The following PSMD11 variants were observed in gnomAD, a reference collection of about 807,000 sequenced individuals.
PSMD11 encodes the protein 26S proteasome non-ATPase regulatory subunit 11.
In PSMD11, 5 loss-of-function variants were observed where a neutral mutation model predicts 62.3. The ratio of observed to expected loss-of-function variants is 0.08; its 90% CI spans 0.04 to 0.17. PSMD11 has a LOEUF of 0.17. Ranked by LOEUF, PSMD11 falls within the 10% of genes least tolerant of loss-of-function variation. The pLI is 1.00. For synonymous variants in PSMD11, 191 were observed against 191.8 expected (o/e 1.00, Z 0.03); for missense variants, 310 against 512.9 (o/e 0.60, Z 3.82).
In PSMD11 at chr17:32,454,583, TC is replaced by T; in HGVS notation, c.283del (p.Leu95CysfsTer17). ...CTCGCCTGGTCCGATCTCTTCTTGATCTGTTTCTTGATATGGAAGCAGCTAC... is the reference window on the plus strand; with the variant it reads ...CTCGCCTGGTCCGATCTCTTCTTGATTGTTTCTTGATATGGAAGCAGCTAC... ...AARLVRSLLD[L>X]FLDMEAATGQ... On this transcript the variant is annotated frameshift_variant, in exon 3 of 14. Coordinates refer to ENST00000261712, the MANE Select transcript of PSMD11 (RefSeq NM_002815.4). LOFTEE classifies it high-confidence loss of function. 1 of 1,614,076 alleles carries T rather than the reference TC, an allele frequency of 6.2e-7. No individual in the cohort carries two copies.
chr17:32,472,173 G>GGTTCTTTATCCTTTCCTGACCTC (rs1206306134), intron 6 of PSMD11, among the ~76,000 whole-genome samples: 3 of 149,876 alleles, frequency 2.0e-5, no homozygotes, highest in African/African-American at 7.4e-5. Context: ...TGGCAGAGCA[G>GGTTCTTTATCCTTTCCTGACCTC]GTTCTTTATC....
chr17:32,474,160 C>T (rs1908253113), intron 7 of PSMD11: 2 of 579,732 alleles, frequency 3.4e-6, no homozygotes, highest in African/African-American at 3.8e-5. Flanking sequence ...TTTTAGAAAT[C>T]CCCTTCCCAG....
Position 32,480,572 on chromosome 17 carries a change from A to G in PSMD11, c.1210A>G (p.Ile404Val), listed in dbSNP as rs540973538. The G allele has an allele frequency of 1.2e-6, 2 of 1,614,170 alleles. No homozygotes were observed. Among genetic ancestry groups the G allele is most frequent in the African/African-American group, 1.3e-5 (1 of 75,040 alleles). The change falls in exon 13 of 14, where the codon ATT (isoleucine) becomes GTT (valine). Residue 404 changes from isoleucine to valine, a missense_variant. This residue lies in a region of PSMD11 where 135 missense variants were observed against 195.4 expected (regional missense o/e 0.69). Coordinates refer to ENST00000261712, the MANE Select transcript of PSMD11 (RefSeq NM_002815.4). ...AACTTACGAAGCTGCTCTGGAAACA[A>G]TTCAGAACATGAGCAAAGTAGTGGA... ...DKTYEAALETIQNMSKVVDSL... is the reference protein window; with the variant it reads ...DKTYEAALETVQNMSKVVDSL...
intron 3 of PSMD11, among the ~76,000 whole-genome samples, chr17:32,457,272 C>T (rs1185929694): frequency 6.6e-6 from 1 of 152,146 alleles, no homozygotes; most frequent in Non-Finnish European, 1.5e-5. Flanking sequence ...CAGCCTTGCT[C>T]TGTTGCCCAG....
intron 6 of PSMD11, among the ~76,000 whole-genome samples, chr17:32,472,842 CTT>C (rs74197607): frequency 4.9e-4 from 61 of 124,976 alleles, no homozygotes; most frequent in South Asian, 5.7e-4. Flanking sequence ...CGGCCTTTTT[CTT>C]TTTTTTTTTT....
chr17:32,460,541 G>A (rs894922245), intron 3 of PSMD11, among the ~76,000 whole-genome samples: 7 of 152,096 alleles, frequency 4.6e-5, no homozygotes, highest in African/African-American at 1.2e-4. Flanking sequence ...TTGGGAGGCC[G>A]AGTGGGCGGA....
chr17:32,446,595 T>A (rs1380095406), intron 1 of PSMD11, among the ~76,000 whole-genome samples: 1 of 152,204 alleles, frequency 6.6e-6, no homozygotes, highest in Non-Finnish European at 1.5e-5. Context: ...CTGGAACAGA[T>A]CTTGGCACCA....
chr17:32,477,824 TTCTG>T (rs1182075867), intron 9 of PSMD11: 4 of 300,204 alleles, frequency 1.3e-5, no homozygotes, highest in African/African-American at 2.2e-5. Flanking sequence ...CAAAAGTTCT[TTCTG>T]TCCTTTTTTC....
chr17:32,464,534 C>T lies in PSMD11; in HGVS notation c.404C>T (p.Ser135Phe). The change falls in exon 5 of 14, where the codon TCT becomes TTT. Residue 135 changes from serine to phenylalanine, a missense_variant. Ser to Phe is a radical substitution (Grantham distance 155). Around this residue, in one of 6 missense-constraint regions of PSMD11, gnomAD observed 47 missense variants for 59.0 expected, o/e 0.80. Coordinates refer to ENST00000261712, the MANE Select transcript of PSMD11 (RefSeq NM_002815.4). ...LRQALEARLV[S>F]LYFDTKRYQE... ...TCTCTTTCCTAGGCAAGACTGGTGT[C>T]TTTGTACTTTGATACCAAGAGGTAC... The T allele has an allele frequency of 6.2e-7, 1 of 1,607,966 alleles. No individual in the cohort carries two copies. Among genetic ancestry groups the T allele is most frequent in the East Asian group, 2.2e-5 (1 of 44,738 alleles).
chr17:32,469,334 C>G, intron 6 of PSMD11, 141 bp downstream of exon 6: 1 of 838,870 alleles, frequency 1.2e-6, no homozygotes, highest in South Asian at 1.8e-5. Flanking sequence ...AGAAAGCTAC[C>G]TTTCTAACTA....
chr17:32,460,126 G>A (rs1214429295), intron 3 of PSMD11, among the ~76,000 whole-genome samples: 1 of 152,096 alleles, frequency 6.6e-6, no homozygotes, highest in Non-Finnish European at 1.5e-5. Context: ...GGGTGCAATC[G>A]TAGTTCACTG....
chr17:32,448,879 A>G (rs1330619108), intron 2 of PSMD11, among the ~76,000 whole-genome samples: 5 of 152,178 alleles, frequency 3.3e-5, no homozygotes, highest in East Asian at 3.8e-4. Context: ...GCCACATGAC[A>G]TCATGGTTAT....
chr17:32,478,482 C>T (rs189242118), intron 9 of PSMD11, among the ~76,000 whole-genome samples: 1 of 152,302 alleles, frequency 6.6e-6, no homozygotes, highest in Non-Finnish European at 1.5e-5. Context: ...ATCATTTTAT[C>T]CCAATGTCTG....
Position 32,469,111 on chromosome 17 carries a change from A to G in PSMD11, c.561A>G (p.Arg187=). 6.2e-7 allele frequency: 1 copy of G among 1,614,146 alleles called. No individual in the cohort carries two copies. Among genetic ancestry groups the G allele is most frequent in the Non-Finnish European group, 8.5e-7 (1 of 1,180,042 alleles). ...YHALSNLPKA[R]AALTSARTTA... is the part of the protein sequence containing the mutation. ...CCCTGAGCAACCTGCCGAAAGCCCG[A>G]GCTGCCTTAACTTCTGCTCGAACCA... Residue 187 remains arginine (R), a synonymous_variant, in exon 6 of 14, where the codon CGA becomes CGG. Transcript: ENST00000261712.
chr17:32,454,451 A>T, intron 2 of PSMD11, 44 bp from the exon 3 acceptor site: 1 of 1,603,954 alleles, frequency 6.2e-7, no homozygotes, highest in Non-Finnish European at 8.5e-7. Flanking sequence ...ATTTTGTCTC[A>T]AATGTTGATG....
At chr17:32,459,070 G>A (rs1040087523) in intron 3 of PSMD11, among the ~76,000 whole-genome samples, 3 of 144,950 alleles carry the variant, frequency 2.1e-5, no homozygotes, top group Admixed American at 6.9e-5. Context: ...ACTCCAGCCC[G>A]GGCAAGAGTA....
chr17:32,469,792 T>C (rs1041671167), intron 6 of PSMD11, among the ~76,000 whole-genome samples: 1 of 152,136 alleles, frequency 6.6e-6, no homozygotes, highest in African/African-American at 2.4e-5. Flanking sequence ...ACCTCTCATC[T>C]GTAAAAGATA....
chr17:32,480,282 TGTTTCCCCCGATG>T, intron 12 of PSMD11, 85 bp downstream of exon 12: 2 of 1,551,078 alleles, frequency 1.3e-6, no homozygotes, highest in South Asian at 1.1e-5. Flanking sequence ...ATGTTCTATT[TGTTTCCCCCGATG>T]GTTCACCCTG....
chr17:32,450,456 G>A (rs922562064), intron 2 of PSMD11, among the ~76,000 whole-genome samples: 39 of 143,160 alleles, frequency 2.7e-4, no homozygotes, highest in African/African-American at 9.7e-4. Flanking sequence ...TAGTAGAGAC[G>A]AGGTTTCACC....
Sources: gnomAD v4.1 joint callset for allele counts (sites outside exome capture counted in the v4.1 genomes callset) on GRCh38, gnomAD v4.1.1 for gene constraint, gnomAD v4.1.1 regional missense constraint, MANE v1.5 for transcripts, NCBI Gene and HGNC (gene_info 2026-07-23, HGNC 2026-07-21) for gene names.